Variants in MRTFA observed in about 807,000 individuals in gnomAD.
The protein encoded by MRTFA is myocardin related transcription factor A.
Under a neutral mutation model 83.5 loss-of-function variants are expected in MRTFA, and 20 were observed. The ratio of observed to expected loss-of-function variants is 0.24; its 90% CI spans 0.17 to 0.35. The LOEUF (loss-of-function observed/expected upper bound fraction) is 0.35. Ranked by LOEUF, MRTFA falls within the 10% of genes least tolerant of loss-of-function variation. MRTFA has a pLI of 1.00. For synonymous variants in MRTFA, 659 were observed against 541.2 expected (o/e 1.22, Z -3.02); for missense variants, 1,200 against 1,224.7 (o/e 0.98, Z 0.30).
intron 1 of MRTFA, among the ~76,000 whole-genome samples, chr22:40,610,575 G>A (rs984253434): frequency 6.6e-6 from 1 of 152,086 alleles, no homozygotes; most frequent in Non-Finnish European, 1.5e-5. Flanking sequence ...CCAAGAAAAA[G>A]TGGGGGAGAA....
Position 40,578,492 on chromosome 22 carries a change from C to T in MRTFA, c.-22+16182G>A, listed in dbSNP as rs78739758. On this transcript the variant is annotated intron_variant, in intron 2 of 14. Transcript: ENST00000355630. Reference sequence around the variant, plus strand: ...CTCTAAGAATGACAGAAGGGCCAGGCGCAGTGGCTCAGACCTATAATCTCA... The same window carrying T: ...CTCTAAGAATGACAGAAGGGCCAGGTGCAGTGGCTCAGACCTATAATCTCA... Among the ~76,000 whole-genome samples, 1,172 of 152,240 alleles carry T rather than the reference C, an allele frequency of 7.7e-3. 14 individuals are homozygous for T. Among genetic ancestry groups the T allele is most frequent in the Middle Eastern group, 0.054 (16 of 294 alleles).
chr22:40,500,538 C>T (rs898177248), intron 3 of MRTFA, among the ~76,000 whole-genome samples: 2 of 151,692 alleles, frequency 1.3e-5, no homozygotes, highest in African/African-American at 4.8e-5. Context: ...GAGGACCCTG[C>T]AGCCTTCCGC....
intron 2 of MRTFA, among the ~76,000 whole-genome samples, chr22:40,572,219 T>A (rs938839220): frequency 6.6e-6 from 1 of 152,070 alleles, no homozygotes; most frequent in Non-Finnish European, 1.5e-5. Flanking sequence ...GATAGCAGGG[T>A]AAAAGTTAAA....
At chr22:40,442,613 T>C (rs1174851952) in intron 4 of MRTFA, among the ~76,000 whole-genome samples, 1 of 123,462 alleles carries the variant, frequency 8.1e-6, no homozygotes, top group Non-Finnish European at 1.6e-5. Flanking sequence ...GATAAGAATA[T>C]ACAGATGGGG....
At chr22:40,557,753 A>G (rs2055547712) in intron 2 of MRTFA, among the ~76,000 whole-genome samples, 2 of 152,170 alleles carry the variant, frequency 1.3e-5, no homozygotes, top group South Asian at 4.1e-4. Context: ...AATTATTTTT[A>G]GATGTCTTGG....
Position 40,411,617 on chromosome 22 carries a change from G to A in MRTFA, c.2869C>T (p.Pro957Ser), listed in dbSNP as rs759268225. ...TCCGAGGTGTCCATGGGTGACGGGG[G>A]GTGGTCCAGGATGGCAGTGCTGCTC... The change falls in exon 15 of 15, where the codon CCC becomes TCC. Residue 957 changes from proline to serine, a missense_variant. Physicochemically the swap from Pro to Ser is moderately conservative, Grantham distance 74. This residue lies in a region of MRTFA where 1,107 missense variants were observed against 1,041.8 expected (regional missense o/e 1.06). Coordinates refer to ENST00000355630, the MANE Select transcript of MRTFA (RefSeq NM_020831.6). The A allele has an allele frequency of 3.1e-6, 5 of 1,613,708 alleles. No individual in the cohort carries two copies. Among genetic ancestry groups the A allele is most frequent in the East Asian group, 2.2e-5 (1 of 44,890 alleles).
intron 3 of MRTFA, among the ~76,000 whole-genome samples, chr22:40,477,757 G>A (rs1440717042): frequency 6.6e-6 from 1 of 151,942 alleles, no homozygotes; most frequent in Non-Finnish European, 1.5e-5. Flanking sequence ...GTTGTTCTTG[G>A]TGGGGGTTGG....
At chr22:40,543,040 TTATCTC>T (rs962157429) in intron 3 of MRTFA, among the ~76,000 whole-genome samples, 16 of 152,276 alleles carry the variant, frequency 1.1e-4, no homozygotes, top group African/African-American at 3.1e-4. Context: ...GAGAAATTGA[TTATCTC>T]TAAGTACTGG....
chr22:40,453,620 CA>C (rs754764577), intron 4 of MRTFA, among the ~76,000 whole-genome samples: 5 of 152,116 alleles, frequency 3.3e-5, no homozygotes, highest in Admixed American at 2.6e-4. Flanking sequence ...AGTCCCCACC[CA>C]AACTCACTCA....
chr22:40,613,971 G>C (rs952485959), intron 1 of MRTFA, among the ~76,000 whole-genome samples: 5 of 151,154 alleles, frequency 3.3e-5, no homozygotes, highest in African/African-American at 1.2e-4. Context: ...AGGCCGAGGC[G>C]GGCGGATCAC....
chr22:40,428,253 G>C (rs937297290), intron 7 of MRTFA, among the ~76,000 whole-genome samples: 2 of 152,172 alleles, frequency 1.3e-5, no homozygotes, highest in Admixed American at 6.5e-5. Context: ...TTGTGGGACT[G>C]AGTCCTCAAC....
intron 3 of MRTFA, among the ~76,000 whole-genome samples, chr22:40,519,064 T>C (rs1049278547): frequency 2.8e-4 from 42 of 149,934 alleles, no homozygotes; most frequent in African/African-American, 9.8e-4. Context: ...CAAGCCAGAG[T>C]GTAGTGGCAG....
chr22:40,457,436 GAGAAAGAAAGAAAGAAAGAAAGAA>G (rs555469044), intron 4 of MRTFA, among the ~76,000 whole-genome samples: 9 of 119,818 alleles, frequency 7.5e-5, no homozygotes, highest in Admixed American at 1.8e-4. Flanking sequence ...AAGAAAGAAA[GAGAAAGAAAGAAAGAAAGAAAGAA>G]AGAAAGAAAG....
chr22:40,441,831 TACAC>T (rs562549245), intron 4 of MRTFA, among the ~76,000 whole-genome samples: 33 of 147,952 alleles, frequency 2.2e-4, no homozygotes, highest in Middle Eastern at 3.4e-3. Flanking sequence ...TATATATATA[TACAC>T]ACACACACAC....
chr22:40,612,461 G>A (rs951122106), intron 1 of MRTFA, among the ~76,000 whole-genome samples: 6 of 151,732 alleles, frequency 4.0e-5, no homozygotes, highest in African/African-American at 1.5e-4. Context: ...GTTAAGAACT[G>A]GCTACCTCAA....
intron 3 of MRTFA, among the ~76,000 whole-genome samples, chr22:40,536,230 G>A (rs1282455999): frequency 6.6e-6 from 1 of 151,892 alleles, no homozygotes; most frequent in Non-Finnish European, 1.5e-5. Flanking sequence ...TTGGGCCCAG[G>A]AGTTCCAGGC....
At position 40,471,611 on chromosome 22, in the gene MRTFA, G is replaced by A. The variant is rs187025712; in HGVS notation, c.242-8325C>T. Among the ~76,000 whole-genome samples, 63 of 152,272 alleles carry A rather than the reference G, an allele frequency of 4.1e-4. 1 individual carries two copies. The highest frequency in any genetic ancestry group is 3.5e-4 in the Non-Finnish European group (24 of 68,022). ...TTAAGAATTAATACTGGCTGGGCGC[G>A]GTAGCTCATGCTTGTAATTCCAGCA... On this transcript the variant is annotated intron_variant, in intron 3 of 14. Coordinates refer to ENST00000355630, the MANE Select transcript of MRTFA (RefSeq NM_020831.6).
intron 1 of MRTFA, among the ~76,000 whole-genome samples, chr22:40,633,160 TAAAGA>T (rs113263123): frequency 3.1e-4 from 47 of 152,328 alleles, no homozygotes; most frequent in African/African-American, 1.0e-3. Context: ...TTTTTCTCAG[TAAAGA>T]AATGTTTCTT....
At chr22:40,478,114 G>A (rs941648314) in intron 3 of MRTFA, among the ~76,000 whole-genome samples, 4 of 152,130 alleles carry the variant, frequency 2.6e-5, no homozygotes, top group Non-Finnish European at 5.9e-5. Flanking sequence ...TGAAATTCTT[G>A]AGATTCAGAT....
Sources: gnomAD v4.1 joint callset for allele counts (sites outside exome capture counted in the v4.1 genomes callset) on GRCh38, gnomAD v4.1.1 for gene constraint, gnomAD v4.1.1 regional missense constraint, MANE v1.5 for transcripts, NCBI Gene and HGNC (gene_info 2026-07-23, HGNC 2026-07-21) for gene names.